AGAP1: variants seen among roughly 807,000 people sequenced by gnomAD.
AGAP1 encodes arf-GAP with GTPase, ANK repeat and PH domain-containing protein 1.
Under a neutral mutation model 105.3 loss-of-function variants are expected in AGAP1, and 29 were observed. That is an observed-to-expected ratio of 0.28 (90% CI 0.21 to 0.38). The LOEUF (loss-of-function observed/expected upper bound fraction) is 0.38, where lower values mean the gene tolerates loss of function less well. Ranked by LOEUF, AGAP1 falls within the 10% of genes least tolerant of loss-of-function variation. AGAP1 has a pLI of 1.00. For synonymous variants in AGAP1, 509 were observed against 485.9 expected (o/e 1.05, Z -0.63); for missense variants, 998 against 1,165.1 (o/e 0.86, Z 2.09).
chr2:235,565,928 G>T (rs1944332295), intron 1 of AGAP1, among the ~76,000 whole-genome samples: 1 of 152,106 alleles, frequency 6.6e-6, no homozygotes, highest in Non-Finnish European at 1.5e-5. Flanking sequence ...GTTAAAGAAT[G>T]TTTTGCCACT....
At chr2:235,541,909 A>G (rs902471801) in intron 1 of AGAP1, among the ~76,000 whole-genome samples, 1 of 151,980 alleles carries the variant, frequency 6.6e-6, no homozygotes, top group African/African-American at 2.4e-5. Flanking sequence ...TAGTTCATCC[A>G]TTTTCACTGC....
rs1260520449 is a variant in AGAP1, at chr2:236,003,642, T to A, written c.1646-32919T>A. Among the ~76,000 whole-genome samples the A allele has an allele frequency of 1.3e-5, 2 of 152,162 alleles. No individual in the cohort carries two copies. The highest frequency in any genetic ancestry group is 4.8e-5 in the African/African-American group (2 of 41,432). ...CACTCTCCCTTGGATTTGCGCCTGT[T>A]CTTTCTCTGGCTGTGCACCTGGCAG... On this transcript the variant is annotated intron_variant, in intron 13 of 17. Transcript: ENST00000304032. This position sits in a 1 kb window ranked among gnomAD's most constrained non-coding sequence, Gnocchi z 4.2.
At chr2:235,783,012 C>T (rs542649088) in intron 6 of AGAP1, among the ~76,000 whole-genome samples, 1 of 141,162 alleles carries the variant, frequency 7.1e-6, no homozygotes, top group East Asian at 2.2e-4. Context: ...ACTTTGTGAT[C>T]GGCAGGAGAT....
intron 9 of AGAP1, among the ~76,000 whole-genome samples, chr2:235,820,980 A>G (rs376358392): frequency 6.6e-6 from 1 of 152,244 alleles, no homozygotes; most frequent in African/African-American, 2.4e-5. Context: ...TTGAAGGGCA[A>G]TCTAACAGTC....
At chr2:235,850,554 C>A (rs977029499) in intron 9 of AGAP1, among the ~76,000 whole-genome samples, 3 of 152,212 alleles carry the variant, frequency 2.0e-5, no homozygotes, top group African/African-American at 7.2e-5. Flanking sequence ...ATTTCAGAGG[C>A]CTCACTTGGG....
In AGAP1 at chr2:235,753,260, T is replaced by C. The variant is rs953633412; in HGVS notation, c.673+2772T>C. 1.3e-5 allele frequency among the ~76,000 whole-genome samples: 2 copies of C among 152,090 alleles called. No individual in the cohort carries two copies. The highest frequency in any genetic ancestry group is 2.9e-5 in the Non-Finnish European group (2 of 68,016). On this transcript the variant is annotated intron_variant, in intron 6 of 17. Coordinates refer to ENST00000304032, the MANE Select transcript of AGAP1 (RefSeq NM_001037131.3). The surrounding 1 kb of genome is among the most constrained non-coding windows in gnomAD (Gnocchi z 4.5). The stretch of plus-strand genomic sequence containing the variant: ...GAATAAGGACTGATATTTCTAAATA[T>C]TAGTTTAAAATATTCAGAAAAAGCG...
intron 9 of AGAP1, among the ~76,000 whole-genome samples, chr2:235,809,557 G>A (rs140315256): frequency 1.2e-4 from 19 of 152,298 alleles, no homozygotes; most frequent in African/African-American, 4.1e-4. Flanking sequence ...GCAGTTAGAT[G>A]TGGAGGTTCC....
rs1946241195 is a variant in AGAP1, at chr2:235,614,423, G to A, written c.164-94756G>A. Among the ~76,000 whole-genome samples the A allele has an allele frequency of 6.6e-6, 1 of 152,148 alleles. No individual in the cohort carries two copies. Among genetic ancestry groups the A allele is most frequent in the Non-Finnish European group, 1.5e-5 (1 of 68,038 alleles). ...CATCCCAGAGGAGCAGCAGCAAACG[G>A]CCTGTGATGGGCTGGATGTATTTGG... On this transcript the variant is annotated intron_variant, in intron 1 of 17. Coordinates refer to ENST00000304032, the MANE Select transcript of AGAP1 (RefSeq NM_001037131.3). This position sits in a 1 kb window ranked among gnomAD's most constrained non-coding sequence, Gnocchi z 4.7.
chr2:235,568,074 C>T (rs573918946), intron 1 of AGAP1, among the ~76,000 whole-genome samples: 1 of 152,220 alleles, frequency 6.6e-6, no homozygotes, highest in East Asian at 1.9e-4. Context: ...GGGGCTCTGA[C>T]TCAGTGGGGA....
chr2:235,886,983 A>G (rs543860718), intron 10 of AGAP1, among the ~76,000 whole-genome samples: 4 of 152,352 alleles, frequency 2.6e-5, no homozygotes, highest in South Asian at 2.1e-4. Flanking sequence ...GAGGCATTCA[A>G]TGGGACACCC....
At chr2:235,999,463 AG>A (rs2055990730) in intron 13 of AGAP1, among the ~76,000 whole-genome samples, 2 of 127,784 alleles carry the variant, frequency 1.6e-5, no homozygotes, top group African/African-American at 3.1e-5. Context: ...TGACAATGGT[AG>A]TAGTGATTGT....
Position 235,739,414 on chromosome 2 carries a change from C to T in AGAP1, c.311-1549C>T, listed in dbSNP as rs1952445768. On this transcript the variant is annotated intron_variant, in intron 3 of 17. Transcript: ENST00000304032. The surrounding 1 kb of genome is among the most constrained non-coding windows in gnomAD (Gnocchi z 5.3). The stretch of plus-strand genomic sequence containing the variant: ...TTGGGACCCTCGTGCAGCTGGGGCT[C>T]ACCCTGTCTGGACCCAGCGGCCTGA... Among the ~76,000 whole-genome samples the T allele has an allele frequency of 6.6e-6, 1 of 152,236 alleles. No homozygotes were observed. Among genetic ancestry groups the T allele is most frequent in the Non-Finnish European group, 1.5e-5 (1 of 68,050 alleles).
intron 1 of AGAP1, among the ~76,000 whole-genome samples, chr2:235,525,893 T>C (rs1238768482): frequency 8.9e-6 from 1 of 112,578 alleles, no homozygotes; most frequent in Non-Finnish European, 1.8e-5. Context: ...TGTGGAGGAC[T>C]GATACATAAT....
rs1957399844 is a variant in AGAP1, at chr2:235,799,642, A to G, written c.957+120A>G. ...AATCTCAACTATATTAAAGTGAATA[A>G]CATTGATTTCTGTGGAGGACTAAGA... On this transcript the variant is annotated intron_variant, in intron 8 of 17. Transcript: ENST00000304032. The surrounding 1 kb of genome is among the most constrained non-coding windows in gnomAD (Gnocchi z 5.0). 2.6e-5 allele frequency: 30 copies of G among 1,156,472 alleles called. No homozygotes were observed. In the South Asian group the frequency reaches 4.3e-4, roughly 17 times the overall value. The allele number at this position is 1,156,472 out of a possible 1,614,324, so 71.6% of individuals were successfully genotyped here. A position where few individuals can be genotyped will look rare whatever the true frequency, so the allele number is the denominator to read the frequency against.
At position 235,752,632 on chromosome 2, in the gene AGAP1, G is replaced by A. The variant is rs1045638157; in HGVS notation, c.673+2144G>A. On this transcript the variant is annotated intron_variant, in intron 6 of 17. Transcript: ENST00000304032. This position sits in a 1 kb window ranked among gnomAD's most constrained non-coding sequence, Gnocchi z 4.3. Reference sequence around the variant, plus strand: ...TCTGGCCCCGTGCAGAGAGCTTGCCGGTCCCCGATGCAGGATATCAGGGAC... The same window carrying A: ...TCTGGCCCCGTGCAGAGAGCTTGCCAGTCCCCGATGCAGGATATCAGGGAC... Among the ~76,000 whole-genome samples the A allele has an allele frequency of 3.3e-5, 5 of 152,126 alleles. No individual in the cohort carries two copies. Among genetic ancestry groups the A allele is most frequent in the African/African-American group, 4.8e-5 (2 of 41,432 alleles).
intron 1 of AGAP1, among the ~76,000 whole-genome samples, chr2:235,661,283 G>A (rs1947940495): frequency 6.6e-6 from 1 of 152,070 alleles, no homozygotes; most frequent in Non-Finnish European, 1.5e-5. Flanking sequence ...GAGGCAGGCT[G>A]TTTCTGTTTT....
At chr2:235,590,682 T>TGTGC (rs1168288841) in intron 1 of AGAP1, among the ~76,000 whole-genome samples, 4 of 104,190 alleles carry the variant, frequency 3.8e-5, no homozygotes, top group Admixed American at 1.7e-4. Flanking sequence ...TGTGTGTGTG[T>TGTGC]GTGCGTGTGC....
intron 1 of AGAP1, among the ~76,000 whole-genome samples, chr2:235,539,805 G>A (rs1323614365): frequency 2.0e-5 from 3 of 152,186 alleles, no homozygotes; most frequent in Admixed American, 6.5e-5. Context: ...TGGGGGACAC[G>A]AGAGACAGAA....
chr2:235,720,777 T>C lies in AGAP1; in HGVS notation c.310+3133T>C. 1 of 895,608 alleles carries C rather than the reference T, an allele frequency of 1.1e-6. No homozygotes were observed. The highest frequency in any genetic ancestry group is 1.3e-6 in the Non-Finnish European group (1 of 748,510). 55.5% of individuals were successfully genotyped at this position (895,608 alleles called of 1,614,324 possible). A position where few individuals can be genotyped will look rare whatever the true frequency, so the allele number is the denominator to read the frequency against. On this transcript the variant is annotated intron_variant, in intron 3 of 17. Coordinates refer to ENST00000304032, the MANE Select transcript of AGAP1 (RefSeq NM_001037131.3). The surrounding 1 kb of genome is among the most constrained non-coding windows in gnomAD (Gnocchi z 5.0). ...GGGATATGTAGACTGCTGGGAGGGG[T>C]GAGGGTGAGGGCCTTCCTGTCTTCA...
Sources: allele counts gnomAD v4.1 joint callset (sites outside exome capture counted in the v4.1 genomes callset), GRCh38; gene constraint gnomAD v4.1.1; non-coding constraint Gnocchi (gnomAD v3.1); transcripts MANE v1.5; gene names NCBI Gene and HGNC (gene_info 2026-07-23, HGNC 2026-07-21).